BMPR1A: variants seen among roughly 807,000 people sequenced by gnomAD.
BMPR1A encodes the protein bone morphogenetic protein receptor type 1A, also known as bone morphogenetic protein receptor type-1A.
A neutral mutation model predicts 66.0 loss-of-function variants in BMPR1A; 7 were observed. The ratio of observed to expected loss-of-function variants is 0.11; its 90% CI spans 0.06 to 0.20. The LOEUF is 0.20. Ranked by LOEUF, BMPR1A falls within the 10% of genes least tolerant of loss-of-function variation. BMPR1A has a pLI of 1.00. For missense variants in BMPR1A, 408 were observed against 669.1 expected (o/e 0.61, Z 4.31); for synonymous variants, 200 against 229.7 (o/e 0.87, Z 1.17).
At chr10:86,928,904 C>T (rs1843783129), downstream of BMPR1A, 1 of 152,098 alleles carries the variant, frequency 6.6e-6, no homozygotes, top group Non-Finnish European at 1.5e-5. Context: ...ATCTGCCTAC[C>T]TCAGCCTCCC....
chr10:86,883,389 A>G (rs1843018780), intron 3 of BMPR1A, among the ~76,000 whole-genome samples: 1 of 151,954 alleles, frequency 6.6e-6, no homozygotes, highest in African/African-American at 2.4e-5. Flanking sequence ...TCTCTACTAC[A>G]AATACAAAAA....
chr10:86,902,075 GT>G (rs1233808791), intron 7 of BMPR1A, among the ~76,000 whole-genome samples: 2 of 152,102 alleles, frequency 1.3e-5, no homozygotes, highest in Non-Finnish European at 2.9e-5. Context: ...GACCAGGCTG[GT>G]CTCAAACTCC....
At chr10:86,795,197 T>A (rs1399094672) in intron 1 of BMPR1A, among the ~76,000 whole-genome samples, 1 of 151,938 alleles carries the variant, frequency 6.6e-6, no homozygotes, top group African/African-American at 2.4e-5. Context: ...TGTAGACTTA[T>A]TTGGAGCTAT....
intron 1 of BMPR1A, among the ~76,000 whole-genome samples, chr10:86,768,610 A>G (rs1395054279): frequency 6.6e-6 from 1 of 152,272 alleles, no homozygotes; most frequent in Non-Finnish European, 1.5e-5. Flanking sequence ...ATCTTTACAC[A>G]AAGAAGGCAT....
intron 1 of BMPR1A, among the ~76,000 whole-genome samples, chr10:86,774,159 T>C (rs1841310369): frequency 6.6e-6 from 1 of 152,176 alleles, no homozygotes; most frequent in East Asian, 1.9e-4. Flanking sequence ...CTTTAATTCA[T>C]CTTTAAATGA....
intron 2 of BMPR1A, among the ~76,000 whole-genome samples, chr10:86,860,945 C>T (rs540500133): frequency 6.6e-6 from 1 of 150,508 alleles, no homozygotes; most frequent in South Asian, 2.1e-4. Context: ...GGGTTCATGC[C>T]ATTCTCCTGC....
At chr10:86,900,727 C>T (rs1342712478) in intron 7 of BMPR1A, among the ~76,000 whole-genome samples, 3 of 152,236 alleles carry the variant, frequency 2.0e-5, no homozygotes, top group Non-Finnish European at 4.4e-5. Context: ...TAATTCCTCA[C>T]CCTCAACAAT....
At chr10:86,904,417 A>G (rs1363338686) in intron 7 of BMPR1A, among the ~76,000 whole-genome samples, 1 of 152,264 alleles carries the variant, frequency 6.6e-6, no homozygotes, top group Non-Finnish European at 1.5e-5. Context: ...TGTTGGAAAC[A>G]GTGCAGTCAA....
At position 86,824,081 on chromosome 10, in the gene BMPR1A, T is replaced by TTGTGTGTGTGTGTGTGTGTGTGTGTGTG. The variant is rs71477609; in HGVS notation, c.-267-14780_-267-14753dup. On this transcript the variant is annotated intron_variant, in intron 1 of 12. Transcript: ENST00000372037. Reference sequence around the variant, plus strand: ...TGGCCCCTGGAAATATTACCAAGGGTTGTGTGTGTGTGTGTGTGTGTGTGT... The same window carrying TTGTGTGTGTGTGTGTGTGTGTGTGTGTG: ...TGGCCCCTGGAAATATTACCAAGGGTTGTGTGTGTGTGTGTGTGTGTGTGTGTGTGTGTGTGTGTGTGTGTGTGTGTGT... Among the ~76,000 whole-genome samples, 170 of 94,116 alleles carry TTGTGTGTGTGTGTGTGTGTGTGTGTGTG rather than the reference T, an allele frequency of 1.8e-3. 1 individual carries two copies. Among genetic ancestry groups the TTGTGTGTGTGTGTGTGTGTGTGTGTGTG allele is most frequent in the African/African-American group, 4.0e-3 (138 of 34,848 alleles). The allele number at this position is 94,116 out of a possible 152,430, so 61.7% of individuals were successfully genotyped here.
intron 1 of BMPR1A, among the ~76,000 whole-genome samples, chr10:86,760,604 TC>T (rs1383373326): frequency 6.6e-6 from 1 of 152,174 alleles, no homozygotes; most frequent in Non-Finnish European, 1.5e-5. Context: ...AACGGACTTT[TC>T]TTGCATATTA....
intron 5 of BMPR1A, 147 bp downstream of exon 5, chr10:86,892,376 C>G: frequency 1.5e-6 from 1 of 658,462 alleles, no homozygotes; most frequent in Non-Finnish European, 2.7e-6. Context: ...TGTCTAGATT[C>G]TGTCCTGTAT....
At chr10:86,931,298 C>CACACACACACATAT, downstream of BMPR1A, 11 of 90,922 alleles carry the variant, frequency 1.2e-4, no homozygotes, top group Admixed American at 1.2e-3. Flanking sequence ...CACACACACA[C>CACACACACACATAT]ATATATATAT....
rs559286701 is a variant in BMPR1A at position 86,865,338 on chromosome 10, T to G, written c.-152-10529T>G. ...CCTTGCCTTAAGTGATGACATTACC[T>G]TGTGAAAGTCCTTTTCCTGGCTCAT... On this transcript the variant is annotated intron_variant, in intron 2 of 12. Transcript: ENST00000372037. 1.2e-4 allele frequency among the ~76,000 whole-genome samples: 18 copies of G among 150,380 alleles called. No homozygotes were observed. The South Asian group carries it at 3.8e-3, about 31-fold the overall frequency.
chr10:86,790,731 G>T (rs1355641006), intron 1 of BMPR1A, among the ~76,000 whole-genome samples: 2 of 152,124 alleles, frequency 1.3e-5, no homozygotes, highest in South Asian at 2.1e-4. Flanking sequence ...TTTATGAAAG[G>T]TCCGGAAAAG....
intron 7 of BMPR1A, among the ~76,000 whole-genome samples, chr10:86,900,355 A>C (rs1487688010): frequency 6.6e-6 from 1 of 151,938 alleles, no homozygotes; most frequent in Non-Finnish European, 1.5e-5. Context: ...TTTTCTTATT[A>C]ATGGAATAGT....
chr10:86,764,422 TTATTCTTCC>T (rs1469053236), intron 1 of BMPR1A, among the ~76,000 whole-genome samples: 4 of 152,236 alleles, frequency 2.6e-5, no homozygotes, highest in Admixed American at 2.6e-4. Flanking sequence ...GGGTGACAGA[TTATTCTTCC>T]TTCATTTTAT....
chr10:86,886,062 G>T (rs1183805991), intron 3 of BMPR1A, among the ~76,000 whole-genome samples: 1 of 152,100 alleles, frequency 6.6e-6, no homozygotes, highest in African/African-American at 2.4e-5. Context: ...TAAATATTTT[G>T]TGTGTGTTTG....
At position 86,891,373 on chromosome 10, in the gene BMPR1A, C is replaced by T. The variant is rs192249660; in HGVS notation, c.231-754C>T. 9.2e-5 allele frequency among the ~76,000 whole-genome samples: 14 copies of T among 152,272 alleles called. No homozygotes were observed. In the East Asian group the frequency reaches 2.7e-3, roughly 29 times the overall value. ...AATCATCCATTTTAACAGAATTCTG[C>T]CCCACACTTAACATTTTCTCCTAAC... is the stretch of plus-strand genomic sequence containing the variant. On this transcript the variant is annotated intron_variant, in intron 4 of 12. Transcript: ENST00000372037.
chr10:86,831,884 G>A (rs746354074), intron 1 of BMPR1A, among the ~76,000 whole-genome samples: 3 of 152,170 alleles, frequency 2.0e-5, no homozygotes, highest in Admixed American at 6.5e-5. Context: ...ATTTAGAAGT[G>A]TATTGATTAC....
Sources: gnomAD v4.1 joint callset for allele counts (sites outside exome capture counted in the v4.1 genomes callset) on GRCh38, gnomAD v4.1.1 for gene constraint, MANE v1.5 for transcripts, NCBI Gene and HGNC (gene_info 2026-07-23, HGNC 2026-07-21) for gene names.